The following PECR variants were observed in gnomAD, a reference collection of about 807,000 sequenced individuals.
The protein encoded by PECR is 2,4-dienoyl-CoA reductase-related protein.
PECR carries 30 observed loss-of-function variants against 35.3 expected under a neutral mutation model. The observed-to-expected ratio is 0.85, with a 90% CI of 0.64 to 1.15. The LOEUF is 1.15. Ranked by LOEUF, PECR falls within the 50% of genes most tolerant of loss-of-function variation. PECR has a pLI of 0.00. For synonymous variants in PECR, 148 were observed against 138.9 expected (o/e 1.07, Z -0.46); for missense variants, 392 against 370.8 (o/e 1.06, Z -0.47).
intron 4 of PECR, among the ~76,000 whole-genome samples, chr2:216,053,010 C>T (rs530437295): frequency 1.7e-4 from 26 of 151,582 alleles, no homozygotes; most frequent in African/African-American, 6.1e-4. Context: ...TGCGCCATCA[C>T]GCCTGGCTAA....
chr2:216,050,995 G>C lies in PECR; in HGVS notation c.603+454C>G, dbSNP rs544896027. On this transcript the variant is annotated intron_variant, in intron 5 of 7. Coordinates refer to ENST00000265322, the MANE Select transcript of PECR (RefSeq NM_018441.6). ...AAGAGTACTTCCATAATGATAATTAGACCTTCTGGGCCGGGTGCGGTGGCT... is the reference window on the plus strand; with the variant it reads ...AAGAGTACTTCCATAATGATAATTACACCTTCTGGGCCGGGTGCGGTGGCT... 5 of 160,038 alleles carry C rather than the reference G, an allele frequency of 3.1e-5. No individual in the cohort carries two copies. In the South Asian group the frequency reaches 6.9e-4, roughly 22 times the overall value. The allele number at this position is 160,038 out of a possible 1,614,324, so 9.9% of individuals were successfully genotyped here.
chr2:216,031,048 G>T (rs1483756445), intron 7 of PECR, among the ~76,000 whole-genome samples: 2 of 150,728 alleles, frequency 1.3e-5, no homozygotes, highest in African/African-American at 2.4e-5. Context: ...CATCTGCTCT[G>T]TATCTCACTG....
In PECR at chr2:216,058,964, C is replaced by A. The variant is rs1432086667; in HGVS notation, c.437G>T (p.Trp146Leu). 6.2e-7 allele frequency: 1 copy of A among 1,606,616 alleles called. No homozygotes were observed. The highest frequency in any genetic ancestry group is 1.7e-5 in the Admixed American group (1 of 60,006). Residue 146 changes from tryptophan to leucine, a missense_variant, in exon 4 of 8, where the codon TGG (tryptophan) becomes TTG (leucine). Transcript: ENST00000265322. ...FYMCKAVYSS[W>L]MKEHGGSIVN... ...GATAGATCCTCCATGCTCTTTCATC[C>A]AGGAGCTGTAAACTGCAGGATAGAG...
At chr2:216,075,937 C>A (rs1325049634) in intron 1 of PECR, among the ~76,000 whole-genome samples, 1 of 152,152 alleles carries the variant, frequency 6.6e-6, no homozygotes, top group African/African-American at 2.4e-5. Flanking sequence ...GAATGATTAA[C>A]TTGAAGATAA....
chr2:216,035,128 G>A (rs1025588975), downstream of PECR, among the ~76,000 whole-genome samples: 89 of 152,206 alleles, frequency 5.8e-4, no homozygotes, highest in African/African-American at 2.1e-3. Flanking sequence ...TGAGAAAATG[G>A]ATCTGGGTCC....
rs147716747 is a variant in PECR at position 216,051,490 on chromosome 2, C to G, written c.562G>C (p.Glu188Gln). Residue 188 changes from glutamate to glutamine, a missense_variant, in exon 5 of 8, where the codon GAA becomes CAA. Transcript: ENST00000265322. ...ATCCGTATTCCACTGCAGGCCCATTCCAAAGCTAAAGATTTGGTGAGGTTG... is the reference window on the plus strand; with the variant it reads ...ATCCGTATTCCACTGCAGGCCCATTGCAAAGCTAAAGATTTGGTGAGGTTG... ...VYNLTKSLAL[E>Q]WACSGIRINC... is the part of the protein sequence containing the mutation. 347 of 1,613,198 alleles carry G rather than the reference C, an allele frequency of 2.2e-4. No homozygotes were observed. Among genetic ancestry groups the G allele is most frequent in the Non-Finnish European group, 2.8e-4 (325 of 1,179,276 alleles).
In PECR at chr2:216,072,048, A is replaced by G. The variant is rs185086045; in HGVS notation, c.125-5530T>C. 2.7e-3 allele frequency among the ~76,000 whole-genome samples: 405 copies of G among 152,332 alleles called. 2 individuals are homozygous for G. Among genetic ancestry groups the G allele is most frequent in the Non-Finnish European group, 4.0e-3 (270 of 68,028 alleles). On this transcript the variant is annotated intron_variant, in intron 1 of 7. Transcript: ENST00000265322. The stretch of plus-strand genomic sequence containing the variant: ...AGTGGTTCTTTTACATATATATTTT[A>G]AAGATGAGGTCTCACTGTGTTGCCC...
chr2:216,043,967 T>C lies in PECR; in HGVS notation c.763A>G (p.Thr255Ala), dbSNP rs764017941. The change falls in exon 7 of 8, where the codon ACT becomes GCT. Residue 255 changes from threonine to alanine, a missense_variant. Thr to Ala is a moderately conservative substitution (Grantham distance 58). Transcript: ENST00000265322. ...CCATCCACATCCACCGACTGTCCAG[T>C]GATGAAGGAAGCTGCAGGAGACAGT... is the stretch of plus-strand genomic sequence containing the variant. ...FLLSPAASFI[T>A]GQSVDVDGGR... 1 of 1,612,788 alleles carries C rather than the reference T, an allele frequency of 6.2e-7. No individual in the cohort carries two copies. The highest frequency in any genetic ancestry group is 2.2e-5 in the East Asian group (1 of 44,874).
At chr2:216,076,572 G>A (rs1406386419) in intron 1 of PECR, among the ~76,000 whole-genome samples, 6 of 152,172 alleles carry the variant, frequency 3.9e-5, no homozygotes, top group Admixed American at 6.5e-5. Flanking sequence ...GGCCGAGGCC[G>A]GCAGATAACT....
chr2:216,079,320 T>C (rs977062659), intron 1 of PECR, among the ~76,000 whole-genome samples: 1 of 151,928 alleles, frequency 6.6e-6, no homozygotes, highest in Non-Finnish European at 1.5e-5. Context: ...TTCAGAAAAA[T>C]GGCTAAAAAT....
chr2:216,050,178 C>T (rs1695079107), intron 5 of PECR, among the ~76,000 whole-genome samples: 1 of 152,102 alleles, frequency 6.6e-6, no homozygotes, highest in Non-Finnish European at 1.5e-5. Flanking sequence ...GCCGTGATCG[C>T]ACTACCGCAC....
At chr2:216,066,657 G>A in intron 1 of PECR, 139 bp from the exon 2 acceptor site, 3 of 768,062 alleles carry the variant, frequency 3.9e-6, no homozygotes, top group Admixed American at 4.0e-5. Context: ...TAATAATATT[G>A]AAAAAATATA....
intron 2 of PECR, among the ~76,000 whole-genome samples, chr2:216,065,859 T>C (rs1695456153): frequency 6.6e-6 from 1 of 152,206 alleles, no homozygotes; most frequent in Non-Finnish European, 1.5e-5. Context: ...GCACGGTGGC[T>C]CACACCTGTA....
chr2:216,081,711 G>A lies in PECR; in HGVS notation c.31C>T (p.Leu11=). 2 of 1,613,548 alleles carry A rather than the reference G, an allele frequency of 1.2e-6. No homozygotes were observed. The highest frequency in any genetic ancestry group is 1.7e-6 in the Non-Finnish European group (2 of 1,179,928). Residue 11 remains leucine (L), a synonymous_variant, in exon 1 of 8, where the codon CTG becomes TTG. Coordinates refer to ENST00000265322, the MANE Select transcript of PECR (RefSeq NM_018441.6). MASWAKGRSY[L]APGLLQGQVA... ...TGGCCCTGCAGCAAACCAGGCGCCA[G>A]GTAGCTCCTGCCCTTAGCCCAGGAG... is the stretch of plus-strand genomic sequence containing the variant.
chr2:216,059,809 T>A (rs570089546), intron 3 of PECR, among the ~76,000 whole-genome samples: 2 of 152,348 alleles, frequency 1.3e-5, no homozygotes, highest in South Asian at 4.1e-4. Flanking sequence ...TGTCTTAAAA[T>A]CAAGAAATAG....
intron 6 of PECR, among the ~76,000 whole-genome samples, chr2:216,046,119 T>A (rs1694983804): frequency 1.3e-5 from 2 of 148,772 alleles, no homozygotes; most frequent in South Asian, 4.3e-4. Flanking sequence ...AAAAAAAAAG[T>A]TTTTGTTTCT....
At chr2:216,075,124 C>A (rs567545900) in intron 1 of PECR, among the ~76,000 whole-genome samples, 1 of 152,122 alleles carries the variant, frequency 6.6e-6, no homozygotes, top group South Asian at 2.1e-4. Flanking sequence ...TTTTTTATTG[C>A]CAAACATTGT....
chr2:216,038,086 A>AAAAT (rs555404475), downstream of PECR, among the ~76,000 whole-genome samples: 4,447 of 151,900 alleles, frequency 0.029, 99 homozygotes, highest in Middle Eastern at 0.058. Context: ...CTCCATCTTA[A>AAAAT]AAATAAATAA....
intron 6 of PECR, among the ~76,000 whole-genome samples, chr2:216,047,463 T>C (rs1297116118): frequency 6.6e-6 from 1 of 152,192 alleles, no homozygotes; most frequent in African/African-American, 2.4e-5. Flanking sequence ...GGAGTCTAAT[T>C]TATTACTAAA....
Sources: allele counts gnomAD v4.1 joint callset (sites outside exome capture counted in the v4.1 genomes callset), GRCh38; gene constraint gnomAD v4.1.1; transcripts MANE v1.5; gene names NCBI Gene and HGNC (gene_info 2026-07-23, HGNC 2026-07-21).